The following ANKS1B variants were observed in gnomAD, a reference collection of about 807,000 sequenced individuals.
The protein encoded by ANKS1B is ankyrin repeat and sterile alpha motif domain-containing protein 1B.
A neutral mutation model predicts 148.3 loss-of-function variants in ANKS1B; 36 were observed. The observed-to-expected ratio is 0.24, with a 90% CI of 0.19 to 0.32. ANKS1B has a LOEUF of 0.32. Ranked by LOEUF, ANKS1B falls within the 10% of genes least tolerant of loss-of-function variation. The pLI is 1.00. For missense variants in ANKS1B, 1,157 were observed against 1,542.6 expected, an observed-to-expected ratio of 0.75 and a Z score of 4.19; for synonymous variants, 542 against 560.8, an observed-to-expected ratio of 0.97 and a Z score of 0.47.
chr12:99,917,869 C>T (rs1312138225), intron 1 of ANKS1B, among the ~76,000 whole-genome samples: 1 of 152,226 alleles, frequency 6.6e-6, no homozygotes, highest in African/African-American at 2.4e-5. Context: ...CTGTGAGGAA[C>T]CAGGCTGCAC....
chr12:98,767,348 C>T (rs2098498225), intron 25 of ANKS1B, among the ~76,000 whole-genome samples: 1 of 152,150 alleles, frequency 6.6e-6, no homozygotes, highest in Non-Finnish European at 1.5e-5. Flanking sequence ...TTCTGTTTCT[C>T]CAGCTTAGAT....
intron 17 of ANKS1B, among the ~76,000 whole-genome samples, chr12:98,895,489 C>T (rs1263151819): frequency 1.3e-5 from 2 of 152,186 alleles, no homozygotes; most frequent in Non-Finnish European, 2.9e-5. Context: ...AGAAGCAGGT[C>T]CTGCTCTGTC....
Position 99,820,238 on chromosome 12 carries a change from AAT to A in ANKS1B, c.215+5069_215+5070del, listed in dbSNP as rs1384079018. ...GTCCTGATCTGGCTAATTGAAGATG[AAT>A]ATGAAATAATGCATTTCAGGTACAA... On this transcript the variant is annotated intron_variant, in intron 2 of 26. Coordinates refer to ENST00000683438, the MANE Select transcript of ANKS1B (RefSeq NM_001352186.2). 9.2e-5 allele frequency among the ~76,000 whole-genome samples: 14 copies of A among 152,068 alleles called. No homozygotes were observed. In the East Asian group the frequency reaches 2.3e-3, roughly 25 times the overall value.
chr12:99,309,666 C>T (rs1485677696), intron 12 of ANKS1B, among the ~76,000 whole-genome samples: 2 of 152,018 alleles, frequency 1.3e-5, no homozygotes, highest in African/African-American at 2.4e-5. Flanking sequence ...AATAATGGTG[C>T]TTATACTTTG....
In ANKS1B at chr12:99,913,420, T is replaced by C. The variant is rs116620523; in HGVS notation, c.134+70684A>G. Among the ~76,000 whole-genome samples the C allele has an allele frequency of 6.5e-3, 991 of 152,310 alleles. 14 individuals carry two copies. The highest frequency in any genetic ancestry group is 0.023 in the African/African-American group (957 of 41,560). On this transcript the variant is annotated intron_variant, in intron 1 of 26. Coordinates refer to ENST00000683438, the MANE Select transcript of ANKS1B (RefSeq NM_001352186.2). The stretch of plus-strand genomic sequence containing the variant: ...CATTTCCTCTGAGAAAGAGTGATAA[T>C]TACCATTTGCACCTCATGTAAGGAT...
At chr12:99,384,476 A>C (rs766749591) in intron 12 of ANKS1B, among the ~76,000 whole-genome samples, 3 of 152,204 alleles carry the variant, frequency 2.0e-5, no homozygotes, top group Non-Finnish European at 4.4e-5. Flanking sequence ...ATCTTGAAAA[A>C]TAGAAGAATC....
intron 16 of ANKS1B, among the ~76,000 whole-genome samples, chr12:99,067,260 G>T (rs2044663865): frequency 2.0e-5 from 3 of 152,176 alleles, no homozygotes; most frequent in Admixed American, 2.0e-4. Context: ...CCAGCAGTTG[G>T]CAATGATGGC....
intron 15 of ANKS1B, among the ~76,000 whole-genome samples, chr12:99,105,191 A>G (rs2058880342): frequency 6.6e-6 from 1 of 152,140 alleles, no homozygotes; most frequent in South Asian, 2.1e-4. Context: ...TTTTTTGAGG[A>G]CTGTTATGCA....
At chr12:99,751,874 T>C (rs900983572) in intron 8 of ANKS1B, among the ~76,000 whole-genome samples, 3 of 152,096 alleles carry the variant, frequency 2.0e-5, no homozygotes, top group Non-Finnish European at 4.4e-5. Flanking sequence ...AAAAATGAGC[T>C]AAGATTAGAA....
At chr12:99,848,784 T>C (rs185265653) in intron 1 of ANKS1B, among the ~76,000 whole-genome samples, 2 of 151,376 alleles carry the variant, frequency 1.3e-5, no homozygotes, top group African/African-American at 2.4e-5. Flanking sequence ...CACAGCCCAA[T>C]AAAAAATGAG....
At chr12:99,015,822 C>T (rs1052869732) in intron 17 of ANKS1B, among the ~76,000 whole-genome samples, 7 of 152,030 alleles carry the variant, frequency 4.6e-5, no homozygotes, top group Admixed American at 2.0e-4. Flanking sequence ...GCTGAGATCA[C>T]GCCACTGCAC....
intron 25 of ANKS1B, among the ~76,000 whole-genome samples, chr12:98,767,484 G>A (rs2098500702): frequency 6.6e-6 from 1 of 151,922 alleles, no homozygotes; most frequent in Non-Finnish European, 1.5e-5. Flanking sequence ...TCTCAGCCTC[G>A]CCATGTGCTG....
At chr12:99,882,933 C>A (rs1024913216) in intron 1 of ANKS1B, among the ~76,000 whole-genome samples, 3 of 152,118 alleles carry the variant, frequency 2.0e-5, no homozygotes, top group Non-Finnish European at 4.4e-5. Flanking sequence ...TCAGGACTAA[C>A]AATGAGATAA....
Position 99,984,288 on chromosome 12 carries a change from C to T in ANKS1B, c.-51G>A. 7.3e-7 allele frequency: 1 copy of T among 1,378,102 alleles called. No individual in the cohort carries two copies. Among genetic ancestry groups the T allele is most frequent in the East Asian group, 2.4e-5 (1 of 41,398 alleles). 85.4% of individuals were successfully genotyped at this position (1,378,102 alleles called of 1,614,324 possible). A position where few individuals can be genotyped will look rare whatever the true frequency, so the allele number is the denominator to read the frequency against. The stretch of plus-strand genomic sequence containing the variant: ...GTCCTTGCCCCCCTCGGGTCCTCCT[C>T]CCCACCCACCCCCACTCCCCAAAAT... On this transcript the variant is annotated 5_prime_UTR_variant, in exon 1 of 27. Coordinates refer to ENST00000683438, the MANE Select transcript of ANKS1B (RefSeq NM_001352186.2).
intron 10 of ANKS1B, among the ~76,000 whole-genome samples, chr12:99,459,136 C>G (rs2095900746): frequency 6.6e-6 from 1 of 151,994 alleles, no homozygotes; most frequent in African/African-American, 2.4e-5. Context: ...TGATACACCA[C>G]ATAAACAGAA....
At chr12:99,201,117 G>C (rs2082019162) in intron 14 of ANKS1B, among the ~76,000 whole-genome samples, 1 of 152,154 alleles carries the variant, frequency 6.6e-6, no homozygotes, top group African/African-American at 2.4e-5. Flanking sequence ...ACAGAGTAAG[G>C]GAAGAGAGAG....
At position 98,977,737 on chromosome 12, in the gene ANKS1B, A is replaced by T. The variant is rs1008006392; in HGVS notation, c.2778+75420T>A. The stretch of plus-strand genomic sequence containing the variant: ...TCAGTAGAAAATAGGGAATCAAAGT[A>T]TAGAAATAAAGTGTTTATGTCACTG... On this transcript the variant is annotated intron_variant, in intron 17 of 26. Coordinates refer to ENST00000683438, the MANE Select transcript of ANKS1B (RefSeq NM_001352186.2). Among the ~76,000 whole-genome samples the T allele has an allele frequency of 7.2e-5, 11 of 152,228 alleles. No individual in the cohort carries two copies. In the East Asian group the frequency reaches 7.7e-4, roughly 11 times the overall value.
chr12:99,192,452 T>C (rs1241318375), intron 14 of ANKS1B, among the ~76,000 whole-genome samples: 1 of 152,178 alleles, frequency 6.6e-6, no homozygotes, highest in East Asian at 1.9e-4. Context: ...ATTAACAAAT[T>C]TGTACTATCT....
At chr12:99,146,108 A>T (rs2072982264) in intron 15 of ANKS1B, among the ~76,000 whole-genome samples, 8 of 152,104 alleles carry the variant, frequency 5.3e-5, no homozygotes, top group Admixed American at 5.2e-4. Flanking sequence ...ATTTACATGG[A>T]AATATATAGA....
Sources: gnomAD v4.1 joint callset for allele counts (sites outside exome capture counted in the v4.1 genomes callset) on GRCh38, gnomAD v4.1.1 for gene constraint, MANE v1.5 for transcripts, NCBI Gene and HGNC (gene_info 2026-07-23, HGNC 2026-07-21) for gene names.